The following RHOT2 variants were observed in gnomAD, a reference collection of about 807,000 sequenced individuals.
RHOT2 encodes the protein mitochondrial Rho GTPase 2.
Under a neutral mutation model 81.6 loss-of-function variants are expected in RHOT2, and 90 were observed. The observed-to-expected ratio is 1.10, with a 90% CI of 0.93 to 1.31. The LOEUF is 1.31. Ranked by LOEUF, RHOT2 falls within the 40% of genes most tolerant of loss-of-function variation. The probability of loss-of-function intolerance (pLI) is 0.00; values close to 1 mark genes in which losing one functional copy is unlikely to be tolerated. For missense variants in RHOT2, 1,014 were observed against 841.9 expected (o/e 1.20, Z -2.53); for synonymous variants, 512 against 370.9 (o/e 1.38, Z -4.37).
intron 4 of RHOT2, 96 bp downstream of exon 4, chr16:668,795 C>T (rs1456596909): frequency 3.0e-6 from 4 of 1,331,312 alleles, no homozygotes; most frequent in African/African-American, 1.5e-5. Flanking sequence ...CTCCGGGTGT[C>T]CTTGGCCCTG....
At chr16:669,819 G>T in intron 5 of RHOT2, 1 of 623,718 alleles carries the variant, frequency 1.6e-6, no homozygotes, top group Non-Finnish European at 2.8e-6. Flanking sequence ...CATTGAGGCC[G>T]GCAGTCCTCT....
At position 672,332 on chromosome 16, in the gene RHOT2, G is replaced by A. The variant is rs778081140; in HGVS notation, c.1274G>A (p.Arg425His). ...SVLLCKVVGA[R>H]GVGKSAFLQA... ...CTCCTGTGCAAGGTGGTAGGGGCCC[G>A]TGGAGTGGGCAAGTCTGCCTTCCTG... is the stretch of plus-strand genomic sequence containing the variant. The change falls in exon 15 of 19, where the codon CGT becomes CAT. Residue 425 changes from arginine to histidine, a missense_variant. Physicochemically the swap from Arg to His is conservative, Grantham distance 29. Coordinates refer to ENST00000315082, the MANE Select transcript of RHOT2 (RefSeq NM_138769.3). 6.2e-6 allele frequency: 10 copies of A among 1,612,152 alleles called. No individual in the cohort carries two copies. Among genetic ancestry groups the A allele is most frequent in the South Asian group, 1.1e-5 (1 of 91,014 alleles).
intron 3 of RHOT2, 31 bp downstream of exon 3, chr16:668,600 C>T: frequency 1.2e-6 from 2 of 1,609,696 alleles, no homozygotes; most frequent in Non-Finnish European, 1.7e-6. Flanking sequence ...GGGGCCCGGC[C>T]CGCAGCGGTC....
rs1389364757 is a variant in RHOT2, at chr16:672,333, T to C, written c.1275T>C (p.Arg425=). The C allele has an allele frequency of 1.2e-6, 2 of 1,612,114 alleles. No homozygotes were observed. Among genetic ancestry groups the C allele is most frequent in the Non-Finnish European group, 1.7e-6 (2 of 1,179,602 alleles). ...TCCTGTGCAAGGTGGTAGGGGCCCG[T>C]GGAGTGGGCAAGTCTGCCTTCCTGC... ...SVLLCKVVGA[R]GVGKSAFLQA... Residue 425 remains arginine (R), a synonymous_variant, in exon 15 of 19, where the codon CGT becomes CGC. Coordinates refer to ENST00000315082, the MANE Select transcript of RHOT2 (RefSeq NM_138769.3).
At position 673,657 on chromosome 16, in the gene RHOT2, G is replaced by T; in HGVS notation, c.*51G>T. 1 of 1,574,586 alleles carries T rather than the reference G, an allele frequency of 6.4e-7. No homozygotes were observed. On this transcript the variant is annotated 3_prime_UTR_variant, in exon 19 of 19. Coordinates refer to ENST00000315082, the MANE Select transcript of RHOT2 (RefSeq NM_138769.3). Reference sequence around the variant, plus strand: ...CCTGACCTGGGTGTGCCTCGCTGCTGGGGCTCTGCAGGGGCAGCACAGCTG... The same window carrying T: ...CCTGACCTGGGTGTGCCTCGCTGCTTGGGCTCTGCAGGGGCAGCACAGCTG...
rs759000836 is a variant in RHOT2, at chr16:670,153, G to A, written c.307G>A (p.Gly103Arg). The change falls in exon 6 of 19, where the codon GGG becomes AGG. Residue 103 changes from glycine to arginine, a missense_variant. By Grantham distance (125) the Gly-to-Arg change is moderately radical (BLOSUM62 -2). Coordinates refer to ENST00000315082, the MANE Select transcript of RHOT2 (RefSeq NM_138769.3). ...AACTAAGTGGATCCCACTGGTGAATGGGGGGACCACGCAGGGGCCCAGGTA... is the reference window on the plus strand; with the variant it reads ...AACTAAGTGGATCCCACTGGTGAATAGGGGGACCACGCAGGGGCCCAGGTA... Reference protein sequence around the residue: ...IRTKWIPLVNGGTTQGPRVPI... With the variant: ...IRTKWIPLVNRGTTQGPRVPI... The A allele has an allele frequency of 1.7e-5, 27 of 1,591,232 alleles. No individual in the cohort carries two copies. Among genetic ancestry groups the A allele is most frequent in the Non-Finnish European group, 1.9e-5 (22 of 1,169,930 alleles).
chr16:668,179 G>A lies in RHOT2; in HGVS notation c.-21G>A, dbSNP rs1353193392. ...GGTCGGGGCCGGGTTCCGGGTCGGG[G>A]AGCGGCTCCGGGCGGCAGCTATGAG... On this transcript the variant is annotated 5_prime_UTR_variant, in exon 1 of 19. Coordinates refer to ENST00000315082, the MANE Select transcript of RHOT2 (RefSeq NM_138769.3). The A allele has an allele frequency of 2.2e-6, 1 of 463,280 alleles. No homozygotes were observed. Among genetic ancestry groups the A allele is most frequent in the Non-Finnish European group, 3.7e-6 (1 of 267,712 alleles). 28.7% of individuals were successfully genotyped at this position (463,280 alleles called of 1,614,324 possible).
In RHOT2 at chr16:672,923, C is replaced by G. The variant is rs751095036; in HGVS notation, c.1528-5C>G. On this transcript the variant is annotated splice_polypyrimidine_tract_variant and splice_region_variant and intron_variant, in intron 17 of 18. Coordinates refer to ENST00000315082, the MANE Select transcript of RHOT2 (RefSeq NM_138769.3). Reference sequence around the variant, plus strand: ...ACTGTACCTCATACCACTCTCTGCCCACAGCACCATTACATGGACGGGCAG... The same window carrying G: ...ACTGTACCTCATACCACTCTCTGCCGACAGCACCATTACATGGACGGGCAG... 1.2e-6 allele frequency: 2 copies of G among 1,612,780 alleles called. No individual in the cohort carries two copies. The highest frequency in any genetic ancestry group is 2.2e-5 in the East Asian group (1 of 44,870).
intron 4 of RHOT2, 28 bp downstream of exon 4, chr16:668,727 G>A (rs1307447069): frequency 1.9e-6 from 3 of 1,573,404 alleles, no homozygotes; most frequent in Non-Finnish European, 2.6e-6. Context: ...GACGAGGGAG[G>A]GGCTGGGCGC....
rs1490981197 is a variant in RHOT2, at chr16:671,692, T to C, written c.870-5T>C. On this transcript the variant is annotated splice_region_variant and splice_polypyrimidine_tract_variant and intron_variant, in intron 11 of 18. Transcript: ENST00000315082. ...GGAGCTAGACGGGCTGTGGCCTCCC[T>C]GCAGGATCCACGTGCCCCCCGGCTG... 6.2e-7 allele frequency: 1 copy of C among 1,611,246 alleles called. No individual in the cohort carries two copies. Among genetic ancestry groups the C allele is most frequent in the Non-Finnish European group, 8.5e-7 (1 of 1,179,002 alleles).
intron 4 of RHOT2, 97 bp downstream of exon 4, chr16:668,796 C>T (rs2038382561): frequency 2.3e-6 from 3 of 1,326,500 alleles, no homozygotes; most frequent in African/African-American, 1.5e-5. Flanking sequence ...TCCGGGTGTC[C>T]TTGGCCCTGA....
In RHOT2 at chr16:672,547, GACA is replaced by G. The variant is rs774467577; in HGVS notation, c.1386_1388del (p.Gln463del). ...GCCATCGACACGGTGCAGGTCAATG[GACA>G]GGAGAAGTACTTGATCGTGAGTGCT... On this transcript the variant is annotated inframe_deletion, in exon 16 of 19. Transcript: ENST00000315082. 6.8e-6 allele frequency: 11 copies of G among 1,612,626 alleles called. No individual in the cohort carries two copies. Among genetic ancestry groups the G allele is most frequent in the Non-Finnish European group, 9.3e-6 (11 of 1,179,896 alleles).
chr16:670,897 C>T lies in RHOT2; in HGVS notation c.645C>T (p.Ser215=), dbSNP rs1367726154. The T allele has an allele frequency of 3.2e-6, 5 of 1,574,588 alleles. No homozygotes were observed. The South Asian group carries it at 4.6e-5, about 14-fold the overall frequency. ...SDEELNAFQK[S]CFGHPLAPQA... is the part of the protein sequence containing the mutation. ...CAACGTTCTCTCGGAAGCAGAAATC[C>T]TGCTTTGGGCACCCCCTGGCCCCGC... Residue 215 remains serine (S), a synonymous_variant, in exon 10 of 19, where the codon TCC becomes TCT. Transcript: ENST00000315082.
In RHOT2 at chr16:673,014, A is replaced by T. The variant is rs1596529100; in HGVS notation, c.1614A>T (p.Ser538=). 6.2e-7 allele frequency: 1 copy of T among 1,612,280 alleles called. No individual in the cohort carries two copies. Among genetic ancestry groups the T allele is most frequent in the South Asian group, 1.1e-5 (1 of 91,076 alleles). The change falls in exon 18 of 19, where the codon TCA becomes TCT. Residue 538 remains serine (S), a synonymous_variant. Coordinates refer to ENST00000315082, the MANE Select transcript of RHOT2 (RefSeq NM_138769.3). Reference sequence around the variant, plus strand: ...AAGGTGTCGCGGTGTCTGGCCCATCACCGGCCGAGTTTTGCCGCAAGCACC... The same window carrying T: ...AAGGTGTCGCGGTGTCTGGCCCATCTCCGGCCGAGTTTTGCCGCAAGCACC... ...LPEGVAVSGP[S]PAEFCRKHRL...
Position 672,238 on chromosome 16 carries a change from G to C in RHOT2, c.1196-16G>C, listed in dbSNP as rs117451838. ...AGTATCCTGGCAGCTGCCCTAACCC[G>C]TGTCTATCCTCACAGTCACTCGTGA... is the stretch of plus-strand genomic sequence containing the variant. On this transcript the variant is annotated splice_polypyrimidine_tract_variant and intron_variant, in intron 14 of 18. Coordinates refer to ENST00000315082, the MANE Select transcript of RHOT2 (RefSeq NM_138769.3). 1 of 1,611,498 alleles carries C rather than the reference G, an allele frequency of 6.2e-7. No individual in the cohort carries two copies. Among genetic ancestry groups the C allele is most frequent in the South Asian group, 1.1e-5 (1 of 91,016 alleles).
In RHOT2 at chr16:673,072, G is replaced by A. The variant is rs1323934161; in HGVS notation, c.1672G>A (p.Gly558Ser). 6.2e-7 allele frequency: 1 copy of A among 1,611,656 alleles called. No homozygotes were observed. Among genetic ancestry groups the A allele is most frequent in the East Asian group, 2.2e-5 (1 of 44,892 alleles). The change falls in exon 18 of 19, where the codon GGC (glycine) becomes AGC (serine). Residue 558 changes from glycine (G) to serine (S), a missense_variant. By Grantham distance (56) the Gly-to-Ser change is moderately conservative (BLOSUM62 0). Coordinates refer to ENST00000315082, the MANE Select transcript of RHOT2 (RefSeq NM_138769.3). Reference protein sequence around the residue: ...LPAPVPFSCAGPAEPSTTIFT... With the variant: ...LPAPVPFSCASPAEPSTTIFT... ...CGCTCCCGTGCCGTTCTCCTGTGCT[G>A]GCCCAGCCGAGCCCAGCACCACCAT...
At chr16:669,305 G>A in intron 4 of RHOT2, 1 of 573,198 alleles carries the variant, frequency 1.7e-6, no homozygotes, top group Non-Finnish European at 3.1e-6. Flanking sequence ...ACTGGCAGTG[G>A]GCGGGGAAGA....
chr16:672,150 C>T lies in RHOT2; in HGVS notation c.1164C>T (p.Leu388=), dbSNP rs1470011000. 2 of 1,612,654 alleles carry T rather than the reference C, an allele frequency of 1.2e-6. No individual in the cohort carries two copies. Among genetic ancestry groups the T allele is most frequent in the Admixed American group, 1.7e-5 (1 of 60,008 alleles). Residue 388 remains leucine (L), a synonymous_variant, in exon 14 of 19, where the codon CTC becomes CTT. Transcript: ENST00000315082. ...GHLGYLGYPT[L]CEQDQAHAIT... ...TAGGCTACCTGGGCTACCCCACCCT[C>T]TGTGAGCAGGACCAGGCCCATGCCA...
rs1444250588 is a variant in RHOT2, at chr16:668,422, C to T, written c.96+11C>T. On this transcript the variant is annotated intron_variant, in intron 2 of 18. Transcript: ENST00000315082. ...GAGTTCCCCGAGGAGGTAAGGGGCACGCCCGCCGCGGGGGTGGGAGCGGGC... is the reference window on the plus strand; with the variant it reads ...GAGTTCCCCGAGGAGGTAAGGGGCATGCCCGCCGCGGGGGTGGGAGCGGGC... The T allele has an allele frequency of 2.0e-6, 3 of 1,534,810 alleles. No homozygotes were observed. Among genetic ancestry groups the T allele is most frequent in the Non-Finnish European group, 1.7e-6 (2 of 1,145,390 alleles).
Sources: gnomAD v4.1 joint callset for allele counts on GRCh38, gnomAD v4.1.1 for gene constraint, MANE v1.5 for transcripts, NCBI Gene and HGNC (gene_info 2026-07-23, HGNC 2026-07-21) for gene names.